Variants in URGCP observed in about 807,000 individuals in gnomAD.
URGCP encodes upregulator of cell proliferation, also known as up-regulator of cell proliferation.
URGCP carries 13 observed loss-of-function variants against 24.6 expected under a neutral mutation model. That is an observed-to-expected ratio of 0.53 (90% CI 0.34 to 0.84). The LOEUF (loss-of-function observed/expected upper bound fraction) is 0.84, where lower values mean the gene tolerates loss of function less well. URGCP is among the 40% of genes least tolerant of loss of function. The probability of loss-of-function intolerance (pLI) is 0.01; values close to 1 mark genes in which losing one functional copy is unlikely to be tolerated. For missense variants in URGCP, 899 were observed against 1,194.3 expected (o/e 0.75, Z 3.64); for synonymous variants, 444 against 487.2 (o/e 0.91, Z 1.17).
intron 1 of URGCP, 26 bp downstream of exon 1, chr7:43,906,536 C>G (rs2095903389): frequency 2.5e-6 from 3 of 1,221,276 alleles, no homozygotes; most frequent in Non-Finnish European, 3.1e-6. Flanking sequence ...GCCGCGGGGG[C>G]GCAGGGCCTG....
At chr7:43,905,218 C>CGT (rs2095898873) in intron 1 of URGCP, among the ~76,000 whole-genome samples, 1 of 150,998 alleles carries the variant, frequency 6.6e-6, no homozygotes, top group African/African-American at 2.4e-5. Context: ...TTTAAAGCTT[C>CGT]GTTCAGGGCA....
chr7:43,883,381 G>A (rs1247290175), intron 3 of URGCP, among the ~76,000 whole-genome samples: 1 of 77,402 alleles, frequency 1.3e-5, no homozygotes, highest in Non-Finnish European at 2.6e-5. Flanking sequence ...TTTTTTTTGA[G>A]ATGGAGTCTT....
intron 1 of URGCP, among the ~76,000 whole-genome samples, chr7:43,894,584 T>A (rs1014943605): frequency 6.6e-6 from 1 of 151,976 alleles, no homozygotes; most frequent in African/African-American, 2.4e-5. Context: ...GATGTCAAAC[T>A]CCTGGACTCA....
intron 1 of URGCP, chr7:43,919,811 C>T (rs1401604349): frequency 3.9e-6 from 5 of 1,283,850 alleles, no homozygotes; most frequent in Non-Finnish European, 5.7e-6. Context: ...CCTTGGCCCA[C>T]CGGGTCAGTG....
chr7:43,882,242 C>T (rs2095855046), intron 3 of URGCP, among the ~76,000 whole-genome samples: 1 of 152,152 alleles, frequency 6.6e-6, no homozygotes, highest in Non-Finnish European at 1.5e-5. Flanking sequence ...AATTTGAGAC[C>T]AGCCAGCCTG....
upstream of URGCP, among the ~76,000 whole-genome samples, chr7:43,909,335 T>C (rs559245187): frequency 1.2e-4 from 19 of 152,296 alleles, no homozygotes; most frequent in Non-Finnish European, 2.2e-4. Context: ...TATATACAGA[T>C]TGCCTTCCCA....
chr7:43,912,312 A>G (rs1418828772), intron 1 of URGCP, among the ~76,000 whole-genome samples: 1 of 152,214 alleles, frequency 6.6e-6, no homozygotes, highest in Admixed American at 6.5e-5. Flanking sequence ...AGCCTGGCCA[A>G]CATGGTGAAA....
intron 1 of URGCP, among the ~76,000 whole-genome samples, chr7:43,895,339 A>T (rs1409851812): frequency 2.0e-5 from 3 of 149,310 alleles, no homozygotes; most frequent in Non-Finnish European, 3.0e-5. Flanking sequence ...ATGCAAATCA[A>T]AATCATAAAA....
chr7:43,878,141 G>A lies in URGCP; in HGVS notation c.1322C>T (p.Ala441Val), dbSNP rs527570136. The change falls in exon 6 of 6, where the codon GCA becomes GTA. Residue 441 changes from alanine (A) to valine (V), a missense_variant. Ala to Val is a moderately conservative substitution (Grantham distance 64, BLOSUM62 0). Coordinates refer to ENST00000453200, the MANE Select transcript of URGCP (RefSeq NM_001077663.3). This position sits in a 1 kb window ranked among gnomAD's most constrained non-coding sequence, Gnocchi z 5.6. ...IRAIVGNVLR[A>V]PCRRVSVEDM... is the part of the protein sequence containing the mutation. ...CTCCACAGATACCCGCCTGCAGGGT[G>A]CCCGCAGCACATTCCCAACGATGGC... 10 of 1,614,256 alleles carry A rather than the reference G, an allele frequency of 6.2e-6. No individual in the cohort carries two copies. Among genetic ancestry groups the A allele is most frequent in the African/African-American group, 5.3e-5 (4 of 75,074 alleles).
Position 43,887,503 on chromosome 7 carries a change from G to A in URGCP, c.42-18C>T. The A allele has an allele frequency of 2.5e-6, 4 of 1,612,656 alleles. No homozygotes were observed. Among genetic ancestry groups the A allele is most frequent in the Non-Finnish European group, 3.4e-6 (4 of 1,179,506 alleles). ...CTGAATGCCTGAAACAATTTCAGAA[G>A]AAAATTATAATTAAAAAAATGGAAT... On this transcript the variant is annotated intron_variant, in intron 2 of 5. Transcript: ENST00000453200.
chr7:43,895,726 A>G (rs2095877380), intron 1 of URGCP, among the ~76,000 whole-genome samples: 1 of 152,228 alleles, frequency 6.6e-6, no homozygotes, highest in African/African-American at 2.4e-5. Context: ...AGTAAAGGAA[A>G]TTCTTATACA....
chr7:43,913,240 G>A (rs774810698), intron 1 of URGCP, among the ~76,000 whole-genome samples: 3 of 152,064 alleles, frequency 2.0e-5, no homozygotes, highest in East Asian at 1.9e-4. Context: ...ACGGAGTCTC[G>A]CTCTGTGGTC....
intron 1 of URGCP, among the ~76,000 whole-genome samples, chr7:43,898,876 C>G (rs2095884128): frequency 6.7e-6 from 1 of 148,422 alleles, no homozygotes; most frequent in Non-Finnish European, 1.5e-5. Flanking sequence ...GTGGCTCATG[C>G]CTGTAATCCC....
Position 43,877,735 on chromosome 7 carries a change from C to T in URGCP, c.1728G>A (p.Arg576=), listed in dbSNP as rs2232101. 5,230 of 1,608,864 alleles carry T rather than the reference C, an allele frequency of 3.3e-3. 149 individuals are homozygous for T. In the African/African-American group the frequency reaches 0.06, roughly 19 times the overall value. Residue 576 remains arginine, a synonymous_variant, in exon 6 of 6, where the codon CGG becomes CGA. Coordinates refer to ENST00000453200, the MANE Select transcript of URGCP (RefSeq NM_001077663.3). The part of the protein sequence containing the change: ...FLRWMEWGLA[R]VAQPRLRQPP... ...GCTGTCTCAGTCGCGGCTGGGCCAC[C>T]CGTGCCAGGCCCCACTCCATCCACC...
upstream of URGCP, chr7:43,906,621 C>T: frequency 8.5e-7 from 1 of 1,177,078 alleles, no homozygotes; most frequent in Non-Finnish European, 1.0e-6. Context: ...TTCCTCCGCG[C>T]GGCCGCGGCT....
At position 43,887,800 on chromosome 7, in the gene URGCP, G is replaced by C. The variant is rs2095864293; in HGVS notation, c.31C>G (p.Leu11Val). 1 of 1,541,708 alleles carries C rather than the reference G, an allele frequency of 6.5e-7. No homozygotes were observed. Among genetic ancestry groups the C allele is most frequent in the African/African-American group, 1.4e-5 (1 of 72,792 alleles). Residue 11 changes from leucine to valine, a missense_variant, in exon 2 of 6, where the codon CTG (leucine) becomes GTG (valine). Physicochemically the swap from Leu to Val is conservative, Grantham distance 32. Coordinates refer to ENST00000453200, the MANE Select transcript of URGCP (RefSeq NM_001077663.3). MASPGIEVELLGKGHSDLGEV... is the reference protein window; with the variant it reads MASPGIEVELVGKGHSDLGEV... ...GAAAAATATACATACCCTTTGCCCA[G>C]TAATTCCACTTCTATCCTAAGGAAA...
At chr7:43,902,722 A>G (rs2095893647) in intron 1 of URGCP, among the ~76,000 whole-genome samples, 1 of 152,206 alleles carries the variant, frequency 6.6e-6, no homozygotes, top group Non-Finnish European at 1.5e-5. Context: ...TGATGTCATC[A>G]TGTGTTGGGA....
At chr7:43,902,625 T>C (rs186365138) in intron 1 of URGCP, among the ~76,000 whole-genome samples, 311 of 152,372 alleles carry the variant, frequency 2.0e-3, no homozygotes, top group African/African-American at 7.0e-3. Flanking sequence ...GAAGTTTCTA[T>C]CTTTAAAGAC....
At chr7:43,880,620 G>A (rs1046573724) in intron 5 of URGCP, among the ~76,000 whole-genome samples, 2 of 152,290 alleles carry the variant, frequency 1.3e-5, no homozygotes, top group African/African-American at 4.8e-5. Context: ...TGTATGTTTT[G>A]TAGAGACGGG....
Sources: allele counts gnomAD v4.1 joint callset (sites outside exome capture counted in the v4.1 genomes callset), GRCh38; gene constraint gnomAD v4.1.1; non-coding constraint Gnocchi (gnomAD v3.1); transcripts MANE v1.5; gene names NCBI Gene and HGNC (gene_info 2026-07-23, HGNC 2026-07-21).